Variants in MED24 observed in about 807,000 individuals in gnomAD.
The protein encoded by MED24 is mediator of RNA polymerase II transcription subunit 24.
In MED24, 74 loss-of-function variants were observed where a neutral mutation model predicts 118.8. The ratio of observed to expected loss-of-function variants is 0.62; its 90% confidence interval spans 0.52 to 0.76. The LOEUF is 0.76. Ranked by LOEUF, MED24 falls within the 30% of genes least tolerant of loss-of-function variation. The pLI, the probability that MED24 is intolerant of heterozygous loss-of-function variation, is 0.00. For missense variants in MED24, 1,041 were observed against 1,278.9 expected (o/e 0.81, Z 2.84); for synonymous variants, 521 against 523.9 (o/e 0.99, Z 0.08).
intron 9 of MED24, 192 bp downstream of exon 9, chr17:40,032,457 G>A (rs897929564): frequency 6.8e-6 from 4 of 584,462 alleles, no homozygotes; most frequent in South Asian, 6.2e-5. Flanking sequence ...AAGAAACAAC[G>A]GAGTCTGCCA....
intron 5 of MED24, 65 bp downstream of exon 5, chr17:40,035,657 C>A: frequency 6.5e-7 from 1 of 1,542,588 alleles, no homozygotes; most frequent in Non-Finnish European, 8.9e-7. Context: ...GTGCTAGGAG[C>A]TGCACCTCTG....
In MED24 at chr17:40,053,645, G is replaced by A; in HGVS notation, c.-37-10C>T. On this transcript the variant is annotated splice_polypyrimidine_tract_variant and intron_variant, in intron 1 of 25. Coordinates refer to ENST00000394128, the MANE Select transcript of MED24 (RefSeq NM_014815.4). ...CAGCGGTGGCGGCCAGCTTTGAGGT[G>A]AAAGAAATGGAGCTAAAGAAAAGGA... 6.2e-7 allele frequency: 1 copy of A among 1,613,294 alleles called. No individual in the cohort carries two copies. Among genetic ancestry groups the A allele is most frequent in the Non-Finnish European group, 8.5e-7 (1 of 1,180,038 alleles).
chr17:40,037,637 T>C (rs1419828861), intron 3 of MED24, among the ~76,000 whole-genome samples: 5 of 152,064 alleles, frequency 3.3e-5, no homozygotes, highest in South Asian at 2.1e-4. Context: ...TTTGGCCAGG[T>C]GTGGTGGCTC....
rs1598333142 is a variant in MED24, at chr17:40,023,117, T to C, written c.2250+14A>G. On this transcript the variant is annotated intron_variant, in intron 20 of 25. Coordinates refer to ENST00000394128, the MANE Select transcript of MED24 (RefSeq NM_014815.4). Reference sequence around the variant, plus strand: ...AGGACCCATGTCGGCCCACAGCCACTCCAGCCCAAGTACCTTAATCAGGTT... The same window carrying C: ...AGGACCCATGTCGGCCCACAGCCACCCCAGCCCAAGTACCTTAATCAGGTT... 1 of 1,607,576 alleles carries C rather than the reference T, an allele frequency of 6.2e-7. No homozygotes were observed. The highest frequency in any genetic ancestry group is 8.5e-7 in the Non-Finnish European group (1 of 1,175,670).
chr17:40,031,645 C>G, intron 10 of MED24, 25 bp from the exon 11 acceptor site: 1 of 1,607,946 alleles, frequency 6.2e-7, no homozygotes, highest in Non-Finnish European at 8.5e-7. Context: ...AAGTGTCCAT[C>G]TGGTTTCCAG....
intron 9 of MED24, 44 bp from the exon 10 acceptor site, chr17:40,032,134 T>C: frequency 6.2e-7 from 1 of 1,600,592 alleles, no homozygotes; most frequent in Non-Finnish European, 8.6e-7. Flanking sequence ...TCCATTTCTT[T>C]TCTCTTTCAT....
intron 6 of MED24, chr17:40,034,855 C>G: frequency 4.5e-6 from 1 of 223,236 alleles, no homozygotes; most frequent in Non-Finnish European, 9.3e-6. Flanking sequence ...TTGGTAGCCC[C>G]CCACCCCCCA....
At chr17:40,030,783 A>G (rs1232253172) in intron 12 of MED24, among the ~76,000 whole-genome samples, 1 of 151,654 alleles carries the variant, frequency 6.6e-6, no homozygotes, top group African/African-American at 2.4e-5. Flanking sequence ...CTCAGCCTCC[A>G]GAGTAGCTGA....
Position 40,047,116 on chromosome 17 carries a change from A to T in MED24, c.213+6182T>A, listed in dbSNP as rs370278766. ...CAGAGCAAGACCCTGTTTCAAATTT[A>T]AAAAAATAAATAAAAAGAATGTACT... On this transcript the variant is annotated intron_variant, in intron 3 of 25. Coordinates refer to ENST00000394128, the MANE Select transcript of MED24 (RefSeq NM_014815.4). Among the ~76,000 whole-genome samples, 841 of 152,294 alleles carry T rather than the reference A, an allele frequency of 5.5e-3. 12 individuals are homozygous for T. The highest frequency in any genetic ancestry group is 0.019 in the African/African-American group (801 of 41,560).
At position 40,019,784 on chromosome 17, in the gene MED24, C is replaced by T. The variant is rs551410373; in HGVS notation, c.2853+1G>A. The T allele has an allele frequency of 2.0e-5, 32 of 1,611,708 alleles. No homozygotes were observed. The highest frequency in any genetic ancestry group is 2.7e-5 in the African/African-American group (2 of 75,026). ...AGGAGAGCCGGGAAGGTGGTACTCACGGTGGTGAAGGGCATGAACTGCAGG... is the reference window on the plus strand; with the variant it reads ...AGGAGAGCCGGGAAGGTGGTACTCATGGTGGTGAAGGGCATGAACTGCAGG... On this transcript the variant is annotated splice_donor_variant, in intron 25 of 25. Transcript: ENST00000394128. LOFTEE classifies it high-confidence loss of function.
Position 40,032,057 on chromosome 17 carries a change from AG to A in MED24, c.969del (p.Ser324LeufsTer19). ...CCCCAACTCACCTTGTCTCCATGAG[AG>A]TACTTCTTCAACTTCACCAAAACCT... ...IPQVLVKLKKYSHGDKDFTED... is the reference protein window; with the variant it reads ...IPQVLVKLKKXSHGDKDFTED... On this transcript the variant is annotated frameshift_variant, in exon 10 of 26. Transcript: ENST00000394128. LOFTEE classifies it high-confidence loss of function. 3 of 1,613,722 alleles carry A rather than the reference AG, an allele frequency of 1.9e-6. No individual in the cohort carries two copies. The highest frequency in any genetic ancestry group is 2.5e-6 in the Non-Finnish European group (3 of 1,179,858).
At chr17:40,047,284 G>C (rs1039298580) in intron 3 of MED24, among the ~76,000 whole-genome samples, 1 of 152,234 alleles carries the variant, frequency 6.6e-6, no homozygotes, top group Non-Finnish European at 1.5e-5. Context: ...ACTAGAAAGC[G>C]GTAAAAGGGA....
rs577930373 is a variant in MED24, at chr17:40,019,611, C to A, written c.2888G>T (p.Ser963Ile). 6.2e-7 allele frequency: 1 copy of A among 1,605,836 alleles called. No individual in the cohort carries two copies. Among genetic ancestry groups the A allele is most frequent in the Admixed American group, 1.7e-5 (1 of 58,924 alleles). The change falls in exon 26 of 26, where the codon AGC (serine) becomes ATC (isoleucine). Residue 963 changes from serine to isoleucine, a missense_variant. Ser to Ile is a moderately radical substitution (Grantham distance 142). This residue lies in a region of MED24 where 587 missense variants were observed against 694.4 expected (regional missense o/e 0.85). Coordinates refer to ENST00000394128, the MANE Select transcript of MED24 (RefSeq NM_014815.4). ...SELVKVSAMSSPKVVLAITDL... is the reference protein window; with the variant it reads ...SELVKVSAMSIPKVVLAITDL... The stretch of plus-strand genomic sequence containing the variant: ...CGTGATGGCCAGAACCACCTTGGGG[C>A]TGGACATGGCTGACACCTTCACCAG...
chr17:40,028,702 T>C (rs1184273471), intron 14 of MED24, 124 bp downstream of exon 14: 2 of 1,356,040 alleles, frequency 1.5e-6, no homozygotes, highest in Non-Finnish European at 2.0e-6. Context: ...GCCAGGATGC[T>C]CTGCCTAGGC....
At chr17:40,053,722 G>T in intron 1 of MED24, 87 bp from the exon 2 acceptor site, 1 of 1,514,050 alleles carries the variant, frequency 6.6e-7, no homozygotes, top group Admixed American at 1.8e-5. Context: ...GAAAGGAGAA[G>T]ATGCGGGAAG....
intron 12 of MED24, among the ~76,000 whole-genome samples, chr17:40,030,541 G>A (rs2144899901): frequency 6.6e-6 from 1 of 152,130 alleles, no homozygotes; most frequent in East Asian, 1.9e-4. Context: ...TGATCCACCC[G>A]CCTTGGCCTC....
intron 22 of MED24, 75 bp from the exon 23 acceptor site, chr17:40,022,129 C>A: frequency 8.1e-7 from 1 of 1,233,598 alleles, no homozygotes; most frequent in Admixed American, 2.4e-5. Context: ...AGAGCTTGAG[C>A]TCCGATTTGA....
chr17:40,020,389 C>G (rs775296653), intron 23 of MED24, 36 bp from the exon 24 acceptor site: 1 of 1,566,736 alleles, frequency 6.4e-7, no homozygotes, highest in African/African-American at 1.4e-5. Flanking sequence ...TGGGAAACAG[C>G]CTGCCGAGTG....
At chr17:40,027,332 C>T (rs760727304) in intron 16 of MED24, 51 bp downstream of exon 16, 3 of 1,562,540 alleles carry the variant, frequency 1.9e-6, no homozygotes, top group Middle Eastern at 2.2e-4. Context: ...GGGAGAGTTC[C>T]GGGTTACCTC....
Sources: gnomAD v4.1 joint callset for allele counts (sites outside exome capture counted in the v4.1 genomes callset) on GRCh38, gnomAD v4.1.1 for gene constraint, gnomAD v4.1.1 regional missense constraint, MANE v1.5 for transcripts, NCBI Gene and HGNC (gene_info 2026-07-23, HGNC 2026-07-21) for gene names.